The following SKI variants were observed in gnomAD, a reference collection of about 807,000 sequenced individuals.
SKI encodes the protein ski oncogene.
In SKI, 23 loss-of-function variants were observed where a neutral mutation model predicts 59.3. The ratio of observed to expected loss-of-function variants is 0.39; its 90% CI spans 0.28 to 0.55. The LOEUF is 0.55. Ranked by LOEUF, SKI falls within the 20% of genes least tolerant of loss-of-function variation. SKI has a pLI of 0.67. For synonymous variants in SKI, 673 were observed against 488.6 expected, an observed-to-expected ratio of 1.38 and a Z score of -4.98; for missense variants, 1,017 against 1,038.9, an observed-to-expected ratio of 0.98 and a Z score of 0.29.
chr1:2,251,471 C>A (rs1317818341), intron 1 of SKI, among the ~76,000 whole-genome samples: 1 of 152,128 alleles, frequency 6.6e-6, no homozygotes, highest in East Asian at 1.9e-4. Flanking sequence ...CAGGGTTTTC[C>A]CAGCTCTCAA....
chr1:2,250,527 C>T (rs1232493850), intron 1 of SKI, among the ~76,000 whole-genome samples: 2 of 152,360 alleles, frequency 1.3e-5, no homozygotes, highest in East Asian at 3.9e-4. Context: ...GGTGAGTCCC[C>T]ATTCCCTGAG....
At chr1:2,262,901 TTTTTTG>T (rs1639418686) in intron 1 of SKI, among the ~76,000 whole-genome samples, 1 of 152,174 alleles carries the variant, frequency 6.6e-6, no homozygotes, top group Non-Finnish European at 1.5e-5. Context: ...GAATTTGTTT[TTTTTTG>T]TTTTTGTTTT....
At chr1:2,234,917 A>G (rs1251475863) in intron 1 of SKI, among the ~76,000 whole-genome samples, 1 of 152,114 alleles carries the variant, frequency 6.6e-6, no homozygotes, top group Non-Finnish European at 1.5e-5. Context: ...CCAGGGTGTC[A>G]TGGAGGGGGG....
At chr1:2,278,390 C>T (rs2100867123) in intron 1 of SKI, among the ~76,000 whole-genome samples, 1 of 152,344 alleles carries the variant, frequency 6.6e-6, no homozygotes, top group Non-Finnish European at 1.5e-5. Flanking sequence ...AGTGGTGAAA[C>T]TGCAGATTCC....
chr1:2,284,847 G>A (rs971512985), intron 1 of SKI, among the ~76,000 whole-genome samples: 3 of 152,174 alleles, frequency 2.0e-5, no homozygotes, highest in Admixed American at 2.0e-4. Flanking sequence ...AGTGAGAGTG[G>A]GTGCTCTCAC....
intron 1 of SKI, among the ~76,000 whole-genome samples, chr1:2,262,129 G>T (rs1639400809): frequency 7.4e-6 from 1 of 135,268 alleles, no homozygotes; most frequent in African/African-American, 2.9e-5. Flanking sequence ...GGAAGGCGTG[G>T]AATCAGAGTT....
chr1:2,270,871 C>A lies in SKI; in HGVS notation c.970-32107C>A, dbSNP rs1373754255. ...CAAGTTCACATTTGTCCCTCTCCTG[C>A]CCCAGGGCACCTGGCCCTGTCCCGG... On this transcript the variant is annotated intron_variant, in intron 1 of 6. Coordinates refer to ENST00000378536, the MANE Select transcript of SKI (RefSeq NM_003036.4). The surrounding 1 kb of genome is among the most constrained non-coding windows in gnomAD (Gnocchi z 4.1). 6.6e-6 allele frequency among the ~76,000 whole-genome samples: 1 copy of A among 152,210 alleles called. No homozygotes were observed. The highest frequency in any genetic ancestry group is 1.5e-5 in the Non-Finnish European group (1 of 68,030).
At chr1:2,258,926 C>T (rs1639328144) in intron 1 of SKI, among the ~76,000 whole-genome samples, 1 of 152,174 alleles carries the variant, frequency 6.6e-6, no homozygotes, top group Non-Finnish European at 1.5e-5. Context: ...GAGTGTTTGC[C>T]TCGGGGTGTG....
chr1:2,257,587 G>C (rs2100833244), intron 1 of SKI, among the ~76,000 whole-genome samples: 1 of 152,336 alleles, frequency 6.6e-6, no homozygotes, highest in East Asian at 1.9e-4. Context: ...CGGGCTCTCG[G>C]CGATTTTTGA....
chr1:2,276,987 G>A (rs1639756661), intron 1 of SKI, among the ~76,000 whole-genome samples: 1 of 152,172 alleles, frequency 6.6e-6, no homozygotes, highest in African/African-American at 2.4e-5. Flanking sequence ...CGACACAGCA[G>A]GGCCCTCACC....
intron 1 of SKI, among the ~76,000 whole-genome samples, chr1:2,293,512 CCCA>C (rs1427516065): frequency 6.6e-6 from 1 of 152,068 alleles, no homozygotes; most frequent in African/African-American, 2.4e-5. Flanking sequence ...CGTGTCTGTC[CCCA>C]CCATCGTGCC....
In SKI at chr1:2,256,889, T is replaced by G. The variant is rs1002857344; in HGVS notation, c.969+27154T>G. 4.1e-4 allele frequency among the ~76,000 whole-genome samples: 62 copies of G among 152,108 alleles called. 1 individual carries two copies. The highest frequency in any genetic ancestry group is 1.4e-3 in the African/African-American group (60 of 41,420). ...GGGCGCCTATTGGGCCCTTGTCAGG[T>G]TTTTGTTGCCAGGAGGCTCGCGCCC... On this transcript the variant is annotated intron_variant, in intron 1 of 6. Coordinates refer to ENST00000378536, the MANE Select transcript of SKI (RefSeq NM_003036.4).
At chr1:2,234,499 G>C (rs942564181) in intron 1 of SKI, among the ~76,000 whole-genome samples, 5 of 152,162 alleles carry the variant, frequency 3.3e-5, no homozygotes, top group Non-Finnish European at 7.3e-5. Flanking sequence ...GATATGGTGC[G>C]AGGAAGTCTG....
intron 1 of SKI, among the ~76,000 whole-genome samples, chr1:2,249,088 C>G (rs1002102873): frequency 6.6e-6 from 1 of 152,236 alleles, no homozygotes; most frequent in Non-Finnish European, 1.5e-5. Context: ...CAGATGCGGT[C>G]GAGTGCTGTT....
At position 2,306,776 on chromosome 1, in the gene SKI, T is replaced by A; in HGVS notation, c.*11T>A. The A allele has an allele frequency of 6.7e-7, 1 of 1,496,220 alleles. No individual in the cohort carries two copies. The highest frequency in any genetic ancestry group is 1.3e-5 in the South Asian group (1 of 79,664). The allele number at this position is 1,496,220 out of a possible 1,614,324, so 92.7% of individuals were successfully genotyped here. On this transcript the variant is annotated 3_prime_UTR_variant, in exon 7 of 7. Coordinates refer to ENST00000378536, the MANE Select transcript of SKI (RefSeq NM_003036.4). ...GAGCTGGAGCCGTAGATTCCGTGCC[T>A]GCCGCCGCAGCGCCGCCGACAACGC...
chr1:2,284,523 C>G (rs1639989617), intron 1 of SKI, among the ~76,000 whole-genome samples: 1 of 152,218 alleles, frequency 6.6e-6, no homozygotes, highest in South Asian at 2.1e-4. Context: ...AGGGCAGATG[C>G]AGCTGAGGTG....
At chr1:2,273,284 G>A (rs1322877570) in intron 1 of SKI, among the ~76,000 whole-genome samples, 1 of 152,148 alleles carries the variant, frequency 6.6e-6, no homozygotes, top group South Asian at 2.1e-4. Flanking sequence ...CAGCTGTGGG[G>A]TCCCTGTCCT....
chr1:2,295,681 G>A (rs1031489696), intron 1 of SKI, among the ~76,000 whole-genome samples: 1 of 151,956 alleles, frequency 6.6e-6, no homozygotes, highest in African/African-American at 2.4e-5. Flanking sequence ...GACTGTGTCC[G>A]GGTCACACGT....
chr1:2,305,482 T>G (rs1640547247), intron 5 of SKI, among the ~76,000 whole-genome samples: 1 of 152,164 alleles, frequency 6.6e-6, no homozygotes, highest in African/African-American at 2.4e-5. Flanking sequence ...GCCACTGTTG[T>G]CCTTGATTCT....
Sources: gnomAD v4.1 joint callset for allele counts (sites outside exome capture counted in the v4.1 genomes callset) on GRCh38, gnomAD v4.1.1 for gene constraint, Gnocchi (gnomAD v3.1) non-coding constraint, MANE v1.5 for transcripts, NCBI Gene and HGNC (gene_info 2026-07-23, HGNC 2026-07-21) for gene names.